Variants in MDGA2 observed in about 807,000 individuals in gnomAD.
MDGA2 encodes the protein MAM domain containing glycosylphosphatidylinositol anchor 2.
In MDGA2, 40 loss-of-function variants were observed where a neutral mutation model predicts 117.8. The ratio of observed to expected loss-of-function variants is 0.34; its 90% CI spans 0.26 to 0.44. The LOEUF (loss-of-function observed/expected upper bound fraction) is 0.44, where lower values mean the gene tolerates loss of function less well. Among genes scored for constraint, MDGA2 ranks in the 20% least tolerant of loss-of-function variants. MDGA2 has a pLI of 1.00. For synonymous variants in MDGA2, 452 were observed against 439.0 expected, an observed-to-expected ratio of 1.03 and a Z score of -0.37; for missense variants, 1,123 against 1,250.6, an observed-to-expected ratio of 0.90 and a Z score of 1.54.
chr14:47,472,060 G>C (rs1893739404), intron 1 of MDGA2, among the ~76,000 whole-genome samples: 1 of 152,070 alleles, frequency 6.6e-6, no homozygotes, highest in Admixed American at 6.6e-5. Flanking sequence ...CCTTTTAATT[G>C]TAAGAGTAAC....
intron 7 of MDGA2, among the ~76,000 whole-genome samples, chr14:47,052,941 T>C (rs1303400559): frequency 1.3e-5 from 2 of 151,808 alleles, no homozygotes; most frequent in Non-Finnish European, 2.9e-5. Context: ...TCACACTCCC[T>C]CACTCTTTCC....
chr14:46,919,186 T>A (rs1323577996), intron 10 of MDGA2, among the ~76,000 whole-genome samples: 3 of 152,312 alleles, frequency 2.0e-5, no homozygotes, highest in Admixed American at 6.5e-5. Flanking sequence ...AAAATTTTAT[T>A]CTCTCTACCA....
rs578025150 is a variant in MDGA2, at chr14:47,630,513, A to C, written c.280+44004T>G. Among the ~76,000 whole-genome samples, 5 of 152,306 alleles carry C rather than the reference A, an allele frequency of 3.3e-5. 1 individual carries two copies. The highest frequency in any genetic ancestry group is 1.2e-4 in the African/African-American group (5 of 41,570). On this transcript the variant is annotated intron_variant, in intron 1 of 16. Coordinates refer to ENST00000399232, the MANE Select transcript of MDGA2 (RefSeq NM_001113498.3). ...TGGTTTCATGTCTGTTTCTTCAGTA[A>C]AAATCTTACTTTTTGTGCTTACAGA...
At chr14:47,609,451 A>G (rs1242665710) in intron 1 of MDGA2, among the ~76,000 whole-genome samples, 1 of 100,288 alleles carries the variant, frequency 1.0e-5, no homozygotes, top group Non-Finnish European at 2.0e-5. Flanking sequence ...ATATATATAT[A>G]TATATATATA....
chr14:46,943,196 C>T (rs1392474795), intron 9 of MDGA2, among the ~76,000 whole-genome samples: 1 of 152,012 alleles, frequency 6.6e-6, no homozygotes, highest in East Asian at 1.9e-4. Context: ...GGTAATAGTA[C>T]AGCCATGCCA....
chr14:47,047,685 T>C (rs946336838), intron 7 of MDGA2, among the ~76,000 whole-genome samples: 30 of 152,122 alleles, frequency 2.0e-4, no homozygotes, highest in African/African-American at 7.0e-4. Context: ...CTGTACGTTG[T>C]GTATCAATAA....
At chr14:46,977,064 T>G (rs2138360317) in intron 8 of MDGA2, among the ~76,000 whole-genome samples, 1 of 152,034 alleles carries the variant, frequency 6.6e-6, no homozygotes, top group African/African-American at 2.4e-5. Context: ...AATTCTTTAT[T>G]ATTTACAGTT....
At chr14:47,062,914 T>C (rs945233613) in intron 6 of MDGA2, among the ~76,000 whole-genome samples, 2 of 152,084 alleles carry the variant, frequency 1.3e-5, no homozygotes, top group Admixed American at 1.3e-4. Flanking sequence ...TAGGAAGATA[T>C]ACATAGATAT....
intron 1 of MDGA2, among the ~76,000 whole-genome samples, chr14:47,655,500 G>T (rs1055299333): frequency 6.6e-6 from 1 of 152,060 alleles, no homozygotes; most frequent in Non-Finnish European, 1.5e-5. Flanking sequence ...AGCAAAAAGT[G>T]GCAAGTACTT....
intron 1 of MDGA2, among the ~76,000 whole-genome samples, chr14:47,633,534 TGTA>T (rs1235922314): frequency 2.0e-5 from 3 of 152,214 alleles, no homozygotes; most frequent in Non-Finnish European, 4.4e-5. Flanking sequence ...TTAGTAAACA[TGTA>T]GTATAAATAA....
At chr14:47,081,545 A>C (rs1403371408) in intron 6 of MDGA2, among the ~76,000 whole-genome samples, 2 of 152,158 alleles carry the variant, frequency 1.3e-5, no homozygotes, top group Non-Finnish European at 2.9e-5. Context: ...GCTTTTAGAA[A>C]AACAAAACAA....
At chr14:47,500,678 T>C (rs1039872477) in intron 1 of MDGA2, among the ~76,000 whole-genome samples, 1 of 152,018 alleles carries the variant, frequency 6.6e-6, no homozygotes, top group South Asian at 2.1e-4. Flanking sequence ...TTAGAAATAA[T>C]CATGACTACA....
chr14:46,912,940 A>G (rs1004051559), intron 10 of MDGA2, among the ~76,000 whole-genome samples: 5 of 152,148 alleles, frequency 3.3e-5, no homozygotes, highest in African/African-American at 1.2e-4. Context: ...TACAACTGAC[A>G]TATGGCTTAT....
At chr14:47,605,893 C>T (rs1896734194) in intron 1 of MDGA2, among the ~76,000 whole-genome samples, 1 of 152,032 alleles carries the variant, frequency 6.6e-6, no homozygotes, top group Admixed American at 6.6e-5. Flanking sequence ...TTTAGTGTGG[C>T]CTTGGTTTAT....
intron 4 of MDGA2, among the ~76,000 whole-genome samples, chr14:47,134,974 T>A (rs1347472567): frequency 1.3e-5 from 2 of 152,080 alleles, no homozygotes; most frequent in African/African-American, 2.4e-5. Flanking sequence ...CACATAGAGT[T>A]AATTATACTC....
chr14:46,925,348 T>A (rs1207519563), intron 9 of MDGA2, among the ~76,000 whole-genome samples: 1 of 152,010 alleles, frequency 6.6e-6, no homozygotes, highest in African/African-American at 2.4e-5. Flanking sequence ...AAATAGAATT[T>A]AGGCTGGGCA....
At chr14:47,056,782 A>G (rs988948960) in intron 7 of MDGA2, among the ~76,000 whole-genome samples, 2 of 152,168 alleles carry the variant, frequency 1.3e-5, no homozygotes, top group African/African-American at 2.4e-5. Context: ...CTGTATAACG[A>G]TTATATTTTT....
At chr14:47,061,867 C>A (rs961523295) in intron 6 of MDGA2, among the ~76,000 whole-genome samples, 1 of 151,922 alleles carries the variant, frequency 6.6e-6, no homozygotes, top group Admixed American at 6.6e-5. Context: ...TGCAATTATA[C>A]TTAAATATTG....
At chr14:46,882,753 T>A (rs1003666298) in intron 10 of MDGA2, among the ~76,000 whole-genome samples, 1 of 151,188 alleles carries the variant, frequency 6.6e-6, no homozygotes, top group Non-Finnish European at 1.5e-5. Context: ...TAGAGAAAAA[T>A]AAAAAATCAC....
Sources: allele counts gnomAD v4.1 joint callset (sites outside exome capture counted in the v4.1 genomes callset), GRCh38; gene constraint gnomAD v4.1.1; transcripts MANE v1.5; gene names NCBI Gene and HGNC (gene_info 2026-07-23, HGNC 2026-07-21).